Variants in DENND1B observed in about 807,000 individuals in gnomAD.
DENND1B encodes DENN domain containing 1B, also known as DENN domain-containing protein 1B.
DENND1B carries 59 observed loss-of-function variants against 90.1 expected under a neutral mutation model. The ratio of observed to expected loss-of-function variants is 0.65; its 90% confidence interval spans 0.53 to 0.81. The LOEUF (loss-of-function observed/expected upper bound fraction) is 0.81. DENND1B is among the 40% of genes least tolerant of loss of function. The pLI is 0.00. For synonymous variants in DENND1B, 337 were observed against 324.6 expected (o/e 1.04, Z -0.41); for missense variants, 862 against 912.6 (o/e 0.94, Z 0.71).
At chr1:197,725,681 G>C (rs1661562577) in intron 2 of DENND1B, among the ~76,000 whole-genome samples, 1 of 151,690 alleles carries the variant, frequency 6.6e-6, no homozygotes, top group South Asian at 2.1e-4. Context: ...ATCTAAAAGA[G>C]TGATAAATGA....
chr1:197,689,280 G>C (rs1035386630), intron 3 of DENND1B, among the ~76,000 whole-genome samples: 17 of 151,980 alleles, frequency 1.1e-4, no homozygotes, highest in African/African-American at 4.1e-4. Context: ...AGTGAAAGGA[G>C]AACCTGTTAT....
intron 2 of DENND1B, among the ~76,000 whole-genome samples, chr1:197,726,017 CAT>C (rs1403507025): frequency 1.3e-5 from 2 of 151,510 alleles, no homozygotes; most frequent in Non-Finnish European, 2.9e-5. Context: ...CACACACACA[CAT>C]ATATATACAC....
intron 2 of DENND1B, among the ~76,000 whole-genome samples, chr1:197,761,179 CA>C (rs1380494833): frequency 6.6e-6 from 1 of 151,718 alleles, no homozygotes; most frequent in African/African-American, 2.4e-5. Flanking sequence ...GTAATAAGAA[CA>C]AAAAAATTTT....
intron 20 of DENND1B, among the ~76,000 whole-genome samples, chr1:197,516,497 T>G (rs1358276018): frequency 6.6e-6 from 1 of 151,776 alleles, no homozygotes; most frequent in Non-Finnish European, 1.5e-5. Flanking sequence ...GCAGTAGAGA[T>G]AATCTGGGTC....
At chr1:197,566,030 G>T (rs1210526033) in intron 15 of DENND1B, among the ~76,000 whole-genome samples, 1 of 152,002 alleles carries the variant, frequency 6.6e-6, no homozygotes, top group Non-Finnish European at 1.5e-5. Flanking sequence ...GGGTCAAATG[G>T]TATGTCTAGT....
intron 20 of DENND1B, among the ~76,000 whole-genome samples, chr1:197,523,612 G>A (rs1197022530): frequency 1.3e-5 from 2 of 152,138 alleles, no homozygotes; most frequent in Admixed American, 6.6e-5. Flanking sequence ...CAAGAACACT[G>A]AGAAAGCTTT....
chr1:197,758,960 ATTTTTTTTTTTT>A (rs759108636), intron 2 of DENND1B, among the ~76,000 whole-genome samples: 3 of 97,850 alleles, frequency 3.1e-5, no homozygotes, highest in East Asian at 3.5e-4. Context: ...TACTTCATTA[ATTTTTTTTTTTT>A]TTTTTTTTTT....
intron 15 of DENND1B, among the ~76,000 whole-genome samples, chr1:197,562,464 T>C (rs558134602): frequency 6.6e-6 from 1 of 152,062 alleles, no homozygotes; most frequent in African/African-American, 2.4e-5. Flanking sequence ...CATATTAGAA[T>C]TACAGGATTA....
intron 14 of DENND1B, 82 bp from the exon 15 acceptor site, chr1:197,583,335 G>T: frequency 1.5e-6 from 2 of 1,306,668 alleles, no homozygotes; most frequent in Admixed American, 1.8e-5. Context: ...TATGTGAAGA[G>T]TGATAGAGGA....
intron 2 of DENND1B, among the ~76,000 whole-genome samples, chr1:197,746,520 A>AT (rs1252289373): frequency 1.3e-5 from 2 of 152,080 alleles, no homozygotes; most frequent in African/African-American, 2.4e-5. Context: ...ATTTTTCTAT[A>AT]TTTTTTCTTA....
chr1:197,776,516 C>T (rs1415572239), upstream of DENND1B, among the ~76,000 whole-genome samples: 3 of 152,164 alleles, frequency 2.0e-5, no homozygotes, highest in Non-Finnish European at 4.4e-5. Context: ...CCACCCTTGA[C>T]ACATAGCCAC....
Position 197,672,084 on chromosome 1 carries a change from T to G in DENND1B, c.249A>C (p.Gly83=), listed in dbSNP as rs1322993841. The change falls in exon 5 of 23, where the codon GGA becomes GGC. Residue 83 remains glycine (G), a synonymous_variant. Transcript: ENST00000620048. Reference sequence around the variant, plus strand: ...TGCCTCCTGACGTCAGTCTGCAGAATCCAAATCTCTGTTTACTTTCAATGT... The same window carrying G: ...TGCCTCCTGACGTCAGTCTGCAGAAGCCAAATCTCTGTTTACTTTCAATGT... The part of the protein sequence containing the change: ...LTDIESKQRF[G]FCRLTSGGTI... 6.2e-7 allele frequency: 1 copy of G among 1,612,724 alleles called. No individual in the cohort carries two copies. The highest frequency in any genetic ancestry group is 8.5e-7 in the Non-Finnish European group (1 of 1,179,218).
intron 3 of DENND1B, among the ~76,000 whole-genome samples, chr1:197,686,955 C>T (rs1387155024): frequency 6.6e-6 from 1 of 152,172 alleles, no homozygotes; most frequent in East Asian, 1.9e-4. Context: ...GTTCATGCAA[C>T]TTTTCCTCTC....
chr1:197,541,611 T>C (rs1294014503), intron 18 of DENND1B, among the ~76,000 whole-genome samples: 1 of 152,180 alleles, frequency 6.6e-6, no homozygotes, highest in Non-Finnish European at 1.5e-5. Flanking sequence ...TCCTGTGGGG[T>C]ATAACTTAAC....
chr1:197,756,374 A>G (rs1296174849), intron 2 of DENND1B, among the ~76,000 whole-genome samples: 1 of 152,128 alleles, frequency 6.6e-6, no homozygotes, highest in African/African-American at 2.4e-5. Flanking sequence ...CAGGAGTTCA[A>G]GACCAGCCCG....
intron 3 of DENND1B, among the ~76,000 whole-genome samples, chr1:197,704,006 ACC>A (rs1659285214): frequency 6.6e-6 from 1 of 152,098 alleles, no homozygotes; most frequent in South Asian, 2.1e-4. Flanking sequence ...ACTCTGGGAG[ACC>A]AAGGTGGAAA....
chr1:197,714,953 T>C (rs1328280650), intron 3 of DENND1B, 78 bp downstream of exon 3: 2 of 1,065,520 alleles, frequency 1.9e-6, no homozygotes, highest in Non-Finnish European at 2.9e-6. Flanking sequence ...GTAGTTATAC[T>C]AGCAACAGCA....
At chr1:197,620,626 A>G (rs1572089948) in intron 10 of DENND1B, among the ~76,000 whole-genome samples, 1 of 151,472 alleles carries the variant, frequency 6.6e-6, no homozygotes, top group East Asian at 1.9e-4. Context: ...TAAGTGCTTT[A>G]AAGTGCTTTA....
the DENND1B span, among the ~76,000 whole-genome samples, chr1:197,781,943 T>C: frequency 6.6e-6 from 1 of 152,222 alleles, no homozygotes; most frequent in Non-Finnish European, 1.5e-5. Flanking sequence ...GATCTTCTTC[T>C]GCCTTTTTCA....
Sources: allele counts gnomAD v4.1 joint callset (sites outside exome capture counted in the v4.1 genomes callset), GRCh38; gene constraint gnomAD v4.1.1; transcripts MANE v1.5; gene names NCBI Gene and HGNC (gene_info 2026-07-23, HGNC 2026-07-21).